Variants in TYW1 observed in about 807,000 individuals in gnomAD.
TYW1 encodes the protein S-adenosyl-L-methionine-dependent tRNA 4-demethylwyosine synthase TYW1.
Under a neutral mutation model 96.2 loss-of-function variants are expected in TYW1, and 46 were observed. That is an observed-to-expected ratio of 0.48 (90% CI 0.38 to 0.61). TYW1 has a LOEUF of 0.61. TYW1 is among the 20% of genes least tolerant of loss of function. The pLI is 0.00. For synonymous variants in TYW1, 274 were observed against 323.0 expected (o/e 0.85, Z 1.63); for missense variants, 684 against 909.6 (o/e 0.75, Z 3.19).
chr7:67,115,723 AC>A (rs1797573264), intron 12 of TYW1, among the ~76,000 whole-genome samples: 1 of 152,238 alleles, frequency 6.6e-6, no homozygotes, highest in Non-Finnish European at 1.5e-5. Context: ...TCAAGATCTT[AC>A]ACTCAAAGAT....
intron 10 of TYW1, among the ~76,000 whole-genome samples, chr7:67,067,634 T>C (rs924700347): frequency 5.9e-5 from 9 of 152,262 alleles, no homozygotes; most frequent in Non-Finnish European, 1.2e-4. Context: ...GTTTGTCTTT[T>C]TTAACTGGTG....
At chr7:67,072,934 G>GT (rs529812538) in intron 10 of TYW1, among the ~76,000 whole-genome samples, 2,355 of 71,218 alleles carry the variant, frequency 0.033, 285 homozygotes, top group African/African-American at 0.049. Context: ...TGCCTATCCA[G>GT]TTTTTTTTTT....
rs565894058 is a variant in TYW1, at chr7:67,017,922, G to A, written c.640G>A (p.Asp214Asn). Residue 214 changes from aspartate (D) to asparagine (N), a missense_variant, in exon 6 of 16, where the codon GAC becomes AAC. By Grantham distance (23) the Asp-to-Asn change is conservative (BLOSUM62 1). Transcript: ENST00000359626. ...AHRVMSRGEG[D>N]CDVVKSKHGS... ...TCGTGTGATGAGTCGAGGGGAGGGC[G>A]ACTGCGACGTGGTTAAAAGCAAGCA... 38 of 1,614,134 alleles carry A rather than the reference G, an allele frequency of 2.4e-5. No homozygotes were observed. The highest frequency in any genetic ancestry group is 8.0e-5 in the African/African-American group (6 of 75,046).
chr7:66,996,864 A>G lies in TYW1; in HGVS notation c.-115A>G, dbSNP rs1237115957. 1.4e-5 allele frequency: 22 copies of G among 1,557,756 alleles called. No individual in the cohort carries two copies. Among genetic ancestry groups the G allele is most frequent in the Non-Finnish European group, 1.8e-5 (20 of 1,142,810 alleles). On this transcript the variant is annotated 5_prime_UTR_variant, in exon 1 of 16. Transcript: ENST00000359626. ...GTGTCATGGCTGCCCACAGGTCTGC[A>G]GGCACTCGGTACGCCGCTAACGCGG...
Position 67,121,969 on chromosome 7 carries a change from C to T in TYW1, c.1698+4351C>T, listed in dbSNP as rs1419960207. On this transcript the variant is annotated intron_variant, in intron 13 of 15. Transcript: ENST00000359626. The stretch of plus-strand genomic sequence containing the variant: ...AAAATGTGTTAACTTCAATTTCTGT[C>T]CGCGATAGCTACTTGTCAAACAGTC... Among the ~76,000 whole-genome samples, 2 of 139,816 alleles carry T rather than the reference C, an allele frequency of 1.4e-5. 1 individual carries two copies. The highest frequency in any genetic ancestry group is 3.1e-5 in the Non-Finnish European group (2 of 65,160). 91.7% of individuals were successfully genotyped at this position (139,816 alleles called of 152,430 possible). A position where few individuals can be genotyped will look rare whatever the true frequency, so the allele number is the denominator to read the frequency against.
intron 10 of TYW1, among the ~76,000 whole-genome samples, chr7:67,081,617 A>G (rs978526260): frequency 6.6e-6 from 1 of 151,602 alleles, no homozygotes; most frequent in Non-Finnish European, 1.5e-5. Context: ...GTGTCCCATC[A>G]TTCCTGTAGG....
At chr7:67,096,987 C>T (rs181892588) in intron 11 of TYW1, among the ~76,000 whole-genome samples, 77 of 152,068 alleles carry the variant, frequency 5.1e-4, no homozygotes, top group African/African-American at 1.5e-3. Flanking sequence ...GGCCCCTCCC[C>T]AGAGACTGTG....
chr7:67,094,743 G>C (rs1205180704), intron 11 of TYW1, among the ~76,000 whole-genome samples: 1 of 151,800 alleles, frequency 6.6e-6, no homozygotes, highest in African/African-American at 2.4e-5. Flanking sequence ...GAGAATGACT[G>C]TATGTTCTAA....
intron 7 of TYW1, among the ~76,000 whole-genome samples, chr7:67,045,901 C>T (rs1795172770): frequency 1.3e-5 from 2 of 152,212 alleles, no homozygotes; most frequent in Admixed American, 6.5e-5. Flanking sequence ...GGAAATGAAA[C>T]CCTAGAACTG....
At chr7:67,102,441 T>C (rs1797113191) in intron 12 of TYW1, among the ~76,000 whole-genome samples, 1 of 152,162 alleles carries the variant, frequency 6.6e-6, no homozygotes, top group African/African-American at 2.4e-5. Flanking sequence ...GAATGGCATA[T>C]GATTCCAAAG....
rs929967939 is a variant in TYW1 at position 67,116,787 on chromosome 7, C to T, written c.1563-696C>T. 1.4e-4 allele frequency among the ~76,000 whole-genome samples: 21 copies of T among 151,864 alleles called. 1 individual carries two copies. The highest frequency in any genetic ancestry group is 9.8e-4 in the Admixed American group (15 of 15,234). Reference sequence around the variant, plus strand: ...AATGAGGCAGTGAATTTGAGAGAAGCGGAGAATGAGTGGTATTCATGGAAA... The same window carrying T: ...AATGAGGCAGTGAATTTGAGAGAAGTGGAGAATGAGTGGTATTCATGGAAA... On this transcript the variant is annotated intron_variant, in intron 12 of 15. Coordinates refer to ENST00000359626, the MANE Select transcript of TYW1 (RefSeq NM_018264.4).
chr7:67,204,310 G>C (rs1800697398), intron 15 of TYW1, among the ~76,000 whole-genome samples: 1 of 151,772 alleles, frequency 6.6e-6, no homozygotes, highest in Non-Finnish European at 1.5e-5. Context: ...TAGTCTCTCT[G>C]TTTTTTAGAC....
chr7:67,175,553 A>G (rs1234496786), intron 13 of TYW1, among the ~76,000 whole-genome samples: 1 of 152,254 alleles, frequency 6.6e-6, no homozygotes. Context: ...AATATTTTAA[A>G]GAAAAGATCA....
intron 13 of TYW1, among the ~76,000 whole-genome samples, chr7:67,136,708 A>C (rs1041214072): frequency 1.1e-4 from 17 of 150,646 alleles, no homozygotes; most frequent in African/African-American, 3.9e-4. Flanking sequence ...TGCTGACATC[A>C]CTATATTAGG....
intron 13 of TYW1, among the ~76,000 whole-genome samples, chr7:67,128,347 GTTAGAGTGTT>G (rs1215712267): frequency 6.6e-6 from 1 of 152,102 alleles, no homozygotes; most frequent in East Asian, 1.9e-4. Context: ...CATTTCCAAA[GTTAGAGTGTT>G]TTAGAGCTCC....
At chr7:67,173,785 T>C (rs1799584048) in intron 13 of TYW1, among the ~76,000 whole-genome samples, 2 of 146,756 alleles carry the variant, frequency 1.4e-5, no homozygotes, top group African/African-American at 5.2e-5. Context: ...TAGATATCCT[T>C]ATTAAGTTGA....
At chr7:67,050,627 T>C (rs10228308) in intron 8 of TYW1, among the ~76,000 whole-genome samples, 36,419 of 151,958 alleles carry the variant, frequency 0.24, 4,628 homozygotes, top group African/African-American at 0.31. Flanking sequence ...CAAGGAACCG[T>C]CGGTCTGGTG....
intron 7 of TYW1, among the ~76,000 whole-genome samples, chr7:67,040,196 G>C (rs895826741): frequency 1.1e-4 from 17 of 152,110 alleles, no homozygotes; most frequent in African/African-American, 3.9e-4. Context: ...GACCTCAAGT[G>C]ATCCGCCCGC....
chr7:67,119,942 A>G (rs1429182657), intron 13 of TYW1, among the ~76,000 whole-genome samples: 1 of 146,798 alleles, frequency 6.8e-6, no homozygotes, highest in Non-Finnish European at 1.5e-5. Flanking sequence ...ACATACTGCC[A>G]TGCCTAGTTA....
Sources: gnomAD v4.1 joint callset for allele counts (sites outside exome capture counted in the v4.1 genomes callset) on GRCh38, gnomAD v4.1.1 for gene constraint, MANE v1.5 for transcripts, NCBI Gene and HGNC (gene_info 2026-07-23, HGNC 2026-07-21) for gene names.